The following MDGA2 variants were observed in gnomAD, a reference collection of about 807,000 sequenced individuals.
MDGA2 encodes the protein MAM domain containing glycosylphosphatidylinositol anchor 2.
In MDGA2, 40 loss-of-function variants were observed where a neutral mutation model predicts 117.8. That is an observed-to-expected ratio of 0.34 (90% CI 0.26 to 0.44). MDGA2 has a LOEUF of 0.44. MDGA2 is among the 20% of genes least tolerant of loss of function. The pLI is 1.00. For synonymous variants in MDGA2, 452 were observed against 439.0 expected, an observed-to-expected ratio of 1.03 and a Z score of -0.37; for missense variants, 1,123 against 1,250.6, an observed-to-expected ratio of 0.90 and a Z score of 1.54.
intron 7 of MDGA2, among the ~76,000 whole-genome samples, chr14:47,056,889 G>A (rs1889694521): frequency 6.6e-6 from 1 of 151,910 alleles, no homozygotes; most frequent in Non-Finnish European, 1.5e-5. Context: ...AGTATGTGAA[G>A]TTTTTTTATT....
intron 1 of MDGA2, among the ~76,000 whole-genome samples, chr14:47,417,127 ATTCTT>A (rs1266365952): frequency 5.9e-5 from 9 of 152,270 alleles, no homozygotes; most frequent in African/African-American, 1.9e-4. Flanking sequence ...GTGCTTTCTC[ATTCTT>A]TTCTATATAA....
chr14:47,280,580 T>A (rs539347644), intron 2 of MDGA2, among the ~76,000 whole-genome samples: 4 of 152,126 alleles, frequency 2.6e-5, no homozygotes, highest in Non-Finnish European at 2.9e-5. Context: ...ACTGTGGAGA[T>A]TTGTGGAGAG....
At chr14:47,372,809 A>T (rs1013850172) in intron 1 of MDGA2, among the ~76,000 whole-genome samples, 6 of 152,000 alleles carry the variant, frequency 3.9e-5, no homozygotes, top group African/African-American at 1.4e-4. Context: ...AAATAATTAA[A>T]TTTGACTATC....
At chr14:47,089,394 TAGA>T (rs1891025754) in intron 6 of MDGA2, among the ~76,000 whole-genome samples, 1 of 152,038 alleles carries the variant, frequency 6.6e-6, no homozygotes, top group African/African-American at 2.4e-5. Flanking sequence ...TGTTTGTTTG[TAGA>T]TGTAGTCTCA....
intron 7 of MDGA2, among the ~76,000 whole-genome samples, chr14:47,044,207 T>C (rs895504080): frequency 1.3e-5 from 2 of 152,144 alleles, no homozygotes; most frequent in Non-Finnish European, 2.9e-5. Context: ...TTATAAAGCA[T>C]ATAAATTTCA....
chr14:47,138,816 C>T (rs569363695), intron 4 of MDGA2, among the ~76,000 whole-genome samples: 248 of 152,146 alleles, frequency 1.6e-3, no homozygotes, highest in Middle Eastern at 3.4e-3. Flanking sequence ...ATGATATATG[C>T]TGGCCTATGT....
intron 1 of MDGA2, among the ~76,000 whole-genome samples, chr14:47,612,836 T>C (rs554247668): frequency 6.6e-6 from 1 of 152,312 alleles, no homozygotes; most frequent in East Asian, 1.9e-4. Context: ...TTTTAAAATA[T>C]GGTACTTATT....
intron 1 of MDGA2, among the ~76,000 whole-genome samples, chr14:47,332,154 C>T (rs1050556933): frequency 1.3e-5 from 2 of 151,976 alleles, no homozygotes; most frequent in African/African-American, 2.4e-5. Flanking sequence ...ACTTCTTTAA[C>T]TCTCTGTGTA....
At chr14:47,466,679 CTGT>C (rs770529706) in intron 1 of MDGA2, among the ~76,000 whole-genome samples, 2 of 152,050 alleles carry the variant, frequency 1.3e-5, no homozygotes, top group Admixed American at 6.6e-5. Flanking sequence ...TTCAAGAGGA[CTGT>C]TATTTCAAAG....
intron 10 of MDGA2, among the ~76,000 whole-genome samples, chr14:46,883,545 A>C (rs1038851922): frequency 1.3e-5 from 2 of 152,044 alleles, no homozygotes; most frequent in African/African-American, 4.8e-5. Flanking sequence ...AACATTATTT[A>C]AAATTGTACT....
intron 1 of MDGA2, among the ~76,000 whole-genome samples, chr14:47,641,465 T>C (rs1897422182): frequency 6.6e-6 from 1 of 151,868 alleles, no homozygotes; most frequent in African/African-American, 2.4e-5. Context: ...CTAATGAAAA[T>C]ACTATAATGA....
intron 9 of MDGA2, among the ~76,000 whole-genome samples, chr14:46,923,075 G>A (rs1884194949): frequency 6.6e-6 from 1 of 152,234 alleles, no homozygotes; most frequent in South Asian, 2.1e-4. Flanking sequence ...TTACCCTGAA[G>A]TTGAAAAACA....
chr14:47,506,052 T>C (rs538569718), intron 1 of MDGA2, among the ~76,000 whole-genome samples: 2 of 151,978 alleles, frequency 1.3e-5, no homozygotes, highest in East Asian at 3.9e-4. Context: ...AAATACAGAG[T>C]TACTAGTGAT....
intron 2 of MDGA2, among the ~76,000 whole-genome samples, chr14:47,265,070 C>A (rs1293656528): frequency 6.6e-6 from 1 of 152,136 alleles, no homozygotes; most frequent in East Asian, 1.9e-4. Flanking sequence ...CGATTTGTAG[C>A]ATTTGCCAAT....
intron 1 of MDGA2, among the ~76,000 whole-genome samples, chr14:47,401,824 T>C (rs1313073683): frequency 1.3e-5 from 2 of 152,168 alleles, no homozygotes; most frequent in Non-Finnish European, 2.9e-5. Flanking sequence ...GTAAATTAAG[T>C]GATAAATTAT....
intron 1 of MDGA2, among the ~76,000 whole-genome samples, chr14:47,589,828 T>A (rs114824004): frequency 0.011 from 1,619 of 152,136 alleles, 32 homozygotes; most frequent in African/African-American, 0.036. Flanking sequence ...ATTTAGGTAT[T>A]CTTTAACTTC....
intron 14 of MDGA2, among the ~76,000 whole-genome samples, chr14:46,865,179 G>T (rs1881698965): frequency 6.6e-6 from 1 of 151,988 alleles, no homozygotes; most frequent in South Asian, 2.1e-4. Flanking sequence ...TACCATCTTT[G>T]CTTTCTCAAT....
intron 10 of MDGA2, among the ~76,000 whole-genome samples, chr14:46,904,982 G>A (rs1883433155): frequency 6.6e-6 from 1 of 152,190 alleles, no homozygotes; most frequent in South Asian, 2.1e-4. Flanking sequence ...CTGTAACTAT[G>A]AGAAAGGATA....
At chr14:47,501,044 G>A (rs759465349) in intron 1 of MDGA2, among the ~76,000 whole-genome samples, 4 of 152,000 alleles carry the variant, frequency 2.6e-5, no homozygotes, top group African/African-American at 7.2e-5. Context: ...TGAAACCACC[G>A]ATGAATTTTA....
Sources: gnomAD v4.1 joint callset for allele counts (sites outside exome capture counted in the v4.1 genomes callset) on GRCh38, gnomAD v4.1.1 for gene constraint, MANE v1.5 for transcripts, NCBI Gene and HGNC (gene_info 2026-07-23, HGNC 2026-07-21) for gene names.